The following RBFOX1 variants were observed in gnomAD, a reference collection of about 807,000 sequenced individuals.
RBFOX1 encodes RNA binding fox-1 homolog 1.
Under a neutral mutation model 57.7 loss-of-function variants are expected in RBFOX1, and 8 were observed. The ratio of observed to expected loss-of-function variants is 0.14; its 90% CI spans 0.08 to 0.25. The LOEUF (loss-of-function observed/expected upper bound fraction) is 0.25, where lower values mean the gene tolerates loss of function less well. Among genes scored for constraint, RBFOX1 ranks in the 10% least tolerant of loss-of-function variants. The probability of loss-of-function intolerance (pLI) is 1.00; values close to 1 mark genes in which losing one functional copy is unlikely to be tolerated. For missense variants in RBFOX1, 611 were observed against 548.5 expected (o/e 1.11, Z -1.14); for synonymous variants, 326 against 222.4 (o/e 1.47, Z -4.15).
chr16:6,702,791 C>T (rs2062057693), intron 3 of RBFOX1, among the ~76,000 whole-genome samples: 1 of 152,152 alleles, frequency 6.6e-6, no homozygotes, highest in Non-Finnish European at 1.5e-5. Flanking sequence ...AAATGTACCA[C>T]CTTAGCCATT....
intron 4 of RBFOX1, among the ~76,000 whole-genome samples, chr16:5,914,611 G>C (rs1354768861): frequency 6.6e-6 from 1 of 152,134 alleles, no homozygotes; most frequent in African/African-American, 2.4e-5. Context: ...AAAAAAGGGA[G>C]AGAGGCCGGG....
At chr16:5,910,986 T>C (rs1376271443) in intron 4 of RBFOX1, among the ~76,000 whole-genome samples, 2 of 152,194 alleles carry the variant, frequency 1.3e-5, no homozygotes, top group East Asian at 1.9e-4. Flanking sequence ...GTAATTTGCC[T>C]AATAATGCAA....
At chr16:5,957,279 A>T (rs2059661880) in intron 4 of RBFOX1, among the ~76,000 whole-genome samples, 1 of 152,022 alleles carries the variant, frequency 6.6e-6, no homozygotes, top group Non-Finnish European at 1.5e-5. Flanking sequence ...CAGTGGCATG[A>T]TCTCAGCTCA....
At chr16:7,050,710 G>C (rs988007907) in intron 3 of RBFOX1, among the ~76,000 whole-genome samples, 6 of 152,002 alleles carry the variant, frequency 3.9e-5, no homozygotes, top group Admixed American at 3.3e-4. Context: ...TTAAAACTAT[G>C]TTTCTAAATG....
At chr16:7,157,174 G>A (rs1344579722) in intron 4 of RBFOX1, among the ~76,000 whole-genome samples, 4 of 152,280 alleles carry the variant, frequency 2.6e-5, no homozygotes, top group Middle Eastern at 3.4e-3. Flanking sequence ...CCTGAGCATC[G>A]TTTCAGCCTT....
At chr16:7,415,970 G>A (rs1028185704) in intron 4 of RBFOX1, among the ~76,000 whole-genome samples, 1 of 152,150 alleles carries the variant, frequency 6.6e-6, no homozygotes, top group Non-Finnish European at 1.5e-5. Context: ...GTGAAACTTA[G>A]GACTGTCTTC....
At chr16:6,650,531 C>T (rs1386800889) in intron 2 of RBFOX1, among the ~76,000 whole-genome samples, 1 of 152,162 alleles carries the variant, frequency 6.6e-6, no homozygotes, top group Admixed American at 6.5e-5. Flanking sequence ...AAGGAATACC[C>T]ACTTTGTCGA....
At chr16:5,658,507 T>A (rs2049530522) in intron 3 of RBFOX1, among the ~76,000 whole-genome samples, 1 of 152,096 alleles carries the variant, frequency 6.6e-6, no homozygotes. Context: ...ATTTTCCAAT[T>A]TAACTCACTC....
chr16:7,693,432 T>TC (rs1211529099), intron 14 of RBFOX1: 21 of 1,296,512 alleles, frequency 1.6e-5, no homozygotes, highest in South Asian at 2.6e-5. Flanking sequence ...TTTTTTTTTT[T>TC]TTCTTCTTCA....
intron 3 of RBFOX1, among the ~76,000 whole-genome samples, chr16:7,029,441 A>G (rs1221757258): frequency 6.6e-6 from 1 of 151,744 alleles, no homozygotes; most frequent in Non-Finnish European, 1.5e-5. Flanking sequence ...TCTGTCAAGA[A>G]AAATCATCTT....
rs577647305 is a variant in RBFOX1, at chr16:7,379,602, C to T, written c.28-138545C>T. On this transcript the variant is annotated intron_variant, in intron 4 of 15. Coordinates refer to ENST00000550418, the MANE Select transcript of RBFOX1 (RefSeq NM_018723.4). ...ATAGACAATAAAGAAACTCAAAATT[C>T]AGGATATTGTCTGTTGTAGAGGTGA... Among the ~76,000 whole-genome samples the T allele has an allele frequency of 2.3e-4, 35 of 152,290 alleles. 1 individual carries two copies. In the South Asian group the frequency reaches 7.3e-3, roughly 32 times the overall value.
chr16:5,565,580 G>T (rs978281291), intron 2 of RBFOX1, among the ~76,000 whole-genome samples: 8 of 151,902 alleles, frequency 5.3e-5, no homozygotes, highest in African/African-American at 1.9e-4. Context: ...AGCTGAGATC[G>T]TGCCACTGTA....
chr16:7,202,694 T>C (rs6500923), intron 4 of RBFOX1, among the ~76,000 whole-genome samples: 1 of 152,012 alleles, frequency 6.6e-6, no homozygotes, highest in South Asian at 2.1e-4. Context: ...CACAAACTCT[T>C]TTGTGAACTC....
At chr16:5,645,926 C>G (rs1289670291) in intron 3 of RBFOX1, among the ~76,000 whole-genome samples, 1 of 152,222 alleles carries the variant, frequency 6.6e-6, no homozygotes, top group Non-Finnish European at 1.5e-5. Context: ...GCCTCAAACT[C>G]CTGGGCTCAA....
At chr16:5,861,479 A>C (rs2057211721) in intron 3 of RBFOX1, among the ~76,000 whole-genome samples, 1 of 152,162 alleles carries the variant, frequency 6.6e-6, no homozygotes, top group Non-Finnish European at 1.5e-5. Flanking sequence ...TGATTTTCTG[A>C]ATATTCACGT....
At chr16:5,431,826 T>G (rs1216755805) in intron 1 of RBFOX1, among the ~76,000 whole-genome samples, 1 of 152,158 alleles carries the variant, frequency 6.6e-6, no homozygotes, top group Non-Finnish European at 1.5e-5. Flanking sequence ...CCAGTGCTGT[T>G]TGTCCCCCTA....
chr16:7,576,975 C>T (rs576953582), intron 5 of RBFOX1, among the ~76,000 whole-genome samples: 6 of 152,234 alleles, frequency 3.9e-5, no homozygotes, highest in African/African-American at 9.6e-5. Flanking sequence ...TTGCAGGATT[C>T]GAGCTCATTT....
intron 2 of RBFOX1, among the ~76,000 whole-genome samples, chr16:6,514,637 CTG>C (rs2096334269): frequency 6.6e-6 from 1 of 152,134 alleles, no homozygotes; most frequent in African/African-American, 2.4e-5. Context: ...TGCCCTTTGT[CTG>C]TGTCTCATCC....
At chr16:7,515,323 A>C (rs548953977) in intron 4 of RBFOX1, among the ~76,000 whole-genome samples, 216 of 152,278 alleles carry the variant, frequency 1.4e-3, no homozygotes, top group Non-Finnish European at 2.6e-3. Context: ...AAGTAGCTTA[A>C]AAAATGAGAC....
Sources: gnomAD v4.1 joint callset for allele counts (sites outside exome capture counted in the v4.1 genomes callset) on GRCh38, gnomAD v4.1.1 for gene constraint, MANE v1.5 for transcripts, NCBI Gene and HGNC (gene_info 2026-07-23, HGNC 2026-07-21) for gene names.